MVB12B: variants seen among roughly 807,000 people sequenced by gnomAD.
MVB12B encodes the protein multivesicular body subunit 12B.
A neutral mutation model predicts 41.6 loss-of-function variants in MVB12B; 16 were observed. The ratio of observed to expected loss-of-function variants is 0.38; its 90% confidence interval spans 0.26 to 0.58. MVB12B has a LOEUF of 0.58. Ranked by LOEUF, MVB12B falls within the 20% of genes least tolerant of loss-of-function variation. MVB12B has a pLI of 0.62. For missense variants in MVB12B, 274 were observed against 380.2 expected (o/e 0.72, Z 2.32); for synonymous variants, 133 against 139.7 (o/e 0.95, Z 0.34).
At position 126,486,515 on chromosome 9, in the gene MVB12B, G is replaced by A. The variant is rs574348178; in HGVS notation, c.873+2483G>A. On this transcript the variant is annotated intron_variant, in intron 9 of 9. Coordinates refer to ENST00000361171, the MANE Select transcript of MVB12B (RefSeq NM_033446.3). The surrounding 1 kb of genome is among the most constrained non-coding windows in gnomAD (Gnocchi z 4.7). ...GGGGTCACGGCAGAACCTGTCTCACGGGGTGCTTTGTGATGCCAAATGGAT... is the reference window on the plus strand; with the variant it reads ...GGGGTCACGGCAGAACCTGTCTCACAGGGTGCTTTGTGATGCCAAATGGAT... Among the ~76,000 whole-genome samples, 31 of 152,338 alleles carry A rather than the reference G, an allele frequency of 2.0e-4. No homozygotes were observed. The highest frequency in any genetic ancestry group is 6.5e-4 in the African/African-American group (27 of 41,580).
intron 2 of MVB12B, among the ~76,000 whole-genome samples, chr9:126,345,028 G>A (rs1291122779): frequency 6.6e-6 from 1 of 152,244 alleles, no homozygotes; most frequent in Non-Finnish European, 1.5e-5. Flanking sequence ...TGAAAGCATA[G>A]CATATGGCTT....
chr9:126,465,248 AATGAAGACT>A (rs1310468757), intron 7 of MVB12B, among the ~76,000 whole-genome samples: 1 of 152,216 alleles, frequency 6.6e-6, no homozygotes, highest in African/African-American at 2.4e-5. Context: ...CATTTGTGAG[AATGAAGACT>A]ATCAGAGCTG....
intron 9 of MVB12B, among the ~76,000 whole-genome samples, chr9:126,492,521 A>G (rs755479918): frequency 3.3e-5 from 5 of 152,022 alleles, no homozygotes; most frequent in Non-Finnish European, 4.4e-5. Flanking sequence ...TGGGACCTTA[A>G]TGTGCCCCTC....
At chr9:126,348,688 T>C (rs1356846013) in intron 2 of MVB12B, among the ~76,000 whole-genome samples, 2 of 152,236 alleles carry the variant, frequency 1.3e-5, no homozygotes, top group Non-Finnish European at 2.9e-5. Flanking sequence ...ATTAATTGGA[T>C]GGTTGAAAAA....
chr9:126,356,741 G>T (rs1167293132), intron 2 of MVB12B, among the ~76,000 whole-genome samples: 1 of 152,028 alleles, frequency 6.6e-6, no homozygotes, highest in Non-Finnish European at 1.5e-5. Context: ...CCCTTTGGGT[G>T]CTGTCCTTGA....
chr9:126,330,696 A>G (rs1034319692), intron 1 of MVB12B, among the ~76,000 whole-genome samples: 3 of 152,218 alleles, frequency 2.0e-5, no homozygotes, highest in African/African-American at 7.2e-5. Flanking sequence ...CTGTGGTGCA[A>G]CTAAGCTCCA....
Position 126,376,609 on chromosome 9 carries a change from G to A in MVB12B, c.205-4455G>A, listed in dbSNP as rs766537418. 3.6e-5 allele frequency: 46 copies of A among 1,289,342 alleles called. No individual in the cohort carries two copies. Among genetic ancestry groups the A allele is most frequent in the Middle Eastern group, 2.1e-4 (1 of 4,694 alleles). 79.9% of individuals were successfully genotyped at this position (1,289,342 alleles called of 1,614,324 possible). On this transcript the variant is annotated intron_variant, in intron 2 of 9. Coordinates refer to ENST00000361171, the MANE Select transcript of MVB12B (RefSeq NM_033446.3). The surrounding 1 kb of genome is among the most constrained non-coding windows in gnomAD (Gnocchi z 4.1). ...TCAGTGTCCAGTGTTCAGGGGAGGC[G>A]GCTGGAAGCAAGAAGGAGGGTAAGC...
intron 5 of MVB12B, among the ~76,000 whole-genome samples, chr9:126,393,843 T>G (rs375762814): frequency 1.3e-5 from 2 of 152,242 alleles, no homozygotes; most frequent in African/African-American, 4.8e-5. Flanking sequence ...CCTCCTCGGC[T>G]TCTGAGGCCA....
chr9:126,377,170 G>T (rs547861727), intron 2 of MVB12B, among the ~76,000 whole-genome samples: 1 of 152,176 alleles, frequency 6.6e-6, no homozygotes, highest in Non-Finnish European at 1.5e-5. Flanking sequence ...TGTACATTCC[G>T]CCACTGCCTG....
At chr9:126,366,184 T>C (rs1830176854) in intron 2 of MVB12B, among the ~76,000 whole-genome samples, 1 of 152,008 alleles carries the variant, frequency 6.6e-6, no homozygotes, top group South Asian at 2.1e-4. Flanking sequence ...CCACCATCTT[T>C]GTATGCCCTA....
chr9:126,439,724 GA>G (rs1832583872), intron 7 of MVB12B, among the ~76,000 whole-genome samples: 1 of 152,118 alleles, frequency 6.6e-6, no homozygotes, highest in African/African-American at 2.4e-5. Flanking sequence ...AAAATTATAT[GA>G]AAAAGAGAAT....
At position 126,419,955 on chromosome 9, in the gene MVB12B, A is replaced by G. The variant is rs148452663; in HGVS notation, c.663-1899A>G. On this transcript the variant is annotated intron_variant, in intron 6 of 9. Transcript: ENST00000361171. The stretch of plus-strand genomic sequence containing the variant: ...AGGAGTTTGAACCCAAGCCTCTTGT[A>G]ATGGTGTTTGGCGCCCTTTCCATCT... 1.4e-3 allele frequency among the ~76,000 whole-genome samples: 219 copies of G among 152,162 alleles called. 1 individual carries two copies. Among genetic ancestry groups the G allele is most frequent in the Middle Eastern group, 3.4e-3 (1 of 294 alleles).
At chr9:126,500,940 C>T (rs562136332) in intron 9 of MVB12B, among the ~76,000 whole-genome samples, 1 of 152,362 alleles carries the variant, frequency 6.6e-6, no homozygotes, top group Non-Finnish European at 1.5e-5. Flanking sequence ...GCTGGGCATG[C>T]CCGCCCCCTC....
At chr9:126,467,413 G>A (rs1833222721) in intron 7 of MVB12B, among the ~76,000 whole-genome samples, 1 of 152,190 alleles carries the variant, frequency 6.6e-6, no homozygotes, top group Non-Finnish European at 1.5e-5. Context: ...TCGATCACCT[G>A]GCGAAGGTGC....
intron 7 of MVB12B, among the ~76,000 whole-genome samples, chr9:126,475,209 C>G (rs747721965): frequency 6.6e-6 from 1 of 152,180 alleles, no homozygotes; most frequent in African/African-American, 2.4e-5. Context: ...GGTTTTCACT[C>G]TGTTATCTGG....
chr9:126,477,672 A>G (rs1311428839), intron 7 of MVB12B, among the ~76,000 whole-genome samples: 2 of 152,200 alleles, frequency 1.3e-5, no homozygotes, highest in East Asian at 1.9e-4. Flanking sequence ...ACCCGCCCCC[A>G]TGATTCAATT....
At chr9:126,407,701 G>A (rs929259139) in intron 6 of MVB12B, among the ~76,000 whole-genome samples, 5 of 152,000 alleles carry the variant, frequency 3.3e-5, no homozygotes, top group Non-Finnish European at 7.4e-5. Context: ...GAATGGCTAC[G>A]GCATGTCCTC....
chr9:126,435,402 T>C (rs1000537708), intron 7 of MVB12B, among the ~76,000 whole-genome samples: 1 of 152,176 alleles, frequency 6.6e-6, no homozygotes, highest in Non-Finnish European at 1.5e-5. Flanking sequence ...CCCTCCCTTC[T>C]AGTTCAGAAA....
intron 7 of MVB12B, among the ~76,000 whole-genome samples, chr9:126,437,148 T>C (rs1372026327): frequency 1.3e-5 from 2 of 152,208 alleles, no homozygotes; most frequent in Non-Finnish European, 2.9e-5. Context: ...CAGGCAAGTC[T>C]GAAAAGTCCA....
Sources: allele counts gnomAD v4.1 joint callset (sites outside exome capture counted in the v4.1 genomes callset), GRCh38; gene constraint gnomAD v4.1.1; non-coding constraint Gnocchi (gnomAD v3.1); transcripts MANE v1.5; gene names NCBI Gene and HGNC (gene_info 2026-07-23, HGNC 2026-07-21).